Variants in AFAP1 observed in about 807,000 individuals in gnomAD.
The protein encoded by AFAP1 is actin filament-associated protein 1.
A neutral mutation model predicts 93.9 loss-of-function variants in AFAP1; 75 were observed. The observed-to-expected ratio is 0.80, with a 90% CI of 0.66 to 0.97. The LOEUF is 0.97. Among genes scored for constraint, AFAP1 ranks in the 50% least tolerant of loss-of-function variants. The pLI is 0.00. For synonymous variants in AFAP1, 517 were observed against 430.7 expected, an observed-to-expected ratio of 1.20 and a Z score of -2.48; for missense variants, 1,201 against 1,050.8, an observed-to-expected ratio of 1.14 and a Z score of -1.98.
In AFAP1 at chr4:7,763,724, G is replaced by T; in HGVS notation, c.*41C>A. On this transcript the variant is annotated 3_prime_UTR_variant, in exon 18 of 18. Coordinates refer to ENST00000420658, the MANE Select transcript of AFAP1 (RefSeq NM_001134647.2). ...TCACACAGATGAGGATACAGGCAAG[G>T]GGGTGTGCAGTCTCTGAGGCTGGAG... 6.4e-7 allele frequency: 1 copy of T among 1,551,292 alleles called. No individual in the cohort carries two copies.
At chr4:7,825,713 T>C (rs1410634423) in intron 6 of AFAP1, among the ~76,000 whole-genome samples, 2 of 151,390 alleles carry the variant, frequency 1.3e-5, no homozygotes, top group East Asian at 3.9e-4. Context: ...TAAAAAAAAG[T>C]AGAAGCAAAA....
chr4:7,904,557 C>T (rs986786272), intron 1 of AFAP1, among the ~76,000 whole-genome samples: 3 of 152,176 alleles, frequency 2.0e-5, no homozygotes, highest in South Asian at 4.1e-4. Context: ...CCTGTAAGAT[C>T]AGTACCATAT....
At chr4:7,800,144 C>T (rs1403189078) in intron 10 of AFAP1, among the ~76,000 whole-genome samples, 1 of 152,148 alleles carries the variant, frequency 6.6e-6, no homozygotes, top group Admixed American at 6.6e-5. Flanking sequence ...TATTTAATTT[C>T]CCTGCAACCA....
chr4:7,933,630 G>T (rs754364627), intron 1 of AFAP1, among the ~76,000 whole-genome samples: 2 of 152,180 alleles, frequency 1.3e-5, no homozygotes, highest in Non-Finnish European at 2.9e-5. Context: ...AGAGAAATGC[G>T]CCCAGGGGAA....
intron 1 of AFAP1, among the ~76,000 whole-genome samples, chr4:7,908,792 T>G (rs1490396752): frequency 6.6e-6 from 1 of 152,218 alleles, no homozygotes; most frequent in African/African-American, 2.4e-5. Context: ...TGATGCATAG[T>G]TAACGAAGTC....
chr4:7,773,671 G>A (rs55680331), intron 15 of AFAP1: 4,458 of 152,552 alleles, frequency 0.029, 87 homozygotes, highest in Non-Finnish European at 0.041. Context: ...CTGGGAACAC[G>A]GGAGAAATGC....
At chr4:7,770,687 G>A (rs1398357870) in intron 16 of AFAP1, among the ~76,000 whole-genome samples, 1 of 152,292 alleles carries the variant, frequency 6.6e-6, no homozygotes, top group Non-Finnish European at 1.5e-5. Flanking sequence ...GGTGTCTGGA[G>A]GTCAGGAAGG....
chr4:7,930,249 C>T (rs561423743), intron 1 of AFAP1, among the ~76,000 whole-genome samples: 9 of 152,314 alleles, frequency 5.9e-5, no homozygotes, highest in African/African-American at 1.9e-4. Context: ...GGCTCCCATG[C>T]CCCTGGGAGT....
intron 3 of AFAP1, among the ~76,000 whole-genome samples, chr4:7,860,321 T>G (rs541376735): frequency 6.0e-4 from 92 of 152,264 alleles, no homozygotes; most frequent in Non-Finnish European, 1.1e-3. Flanking sequence ...ATGTGCATTA[T>G]GTACTTACTG....
Position 7,781,437 on chromosome 4 carries a change from G to A in AFAP1, c.1721C>T (p.Ser574Phe), listed in dbSNP as rs758899027. The part of the protein sequence containing the change: ...LSSNHYKYPA[S>F]AQSVTNTSSV... ...AGAGGTATTAGTGACAGACTGAGCG[G>A]AGGCAGGGTATTTGTAATGGTTAGA... Residue 574 changes from serine to phenylalanine, a missense_variant, in exon 13 of 18, where the codon TCC becomes TTC. Coordinates refer to ENST00000420658, the MANE Select transcript of AFAP1 (RefSeq NM_001134647.2). 1.2e-5 allele frequency: 19 copies of A among 1,552,132 alleles called. No homozygotes were observed. In the African/African-American group the frequency reaches 1.8e-4, roughly 15 times the overall value.
At chr4:7,872,579 G>A (rs1717142156) in intron 1 of AFAP1, among the ~76,000 whole-genome samples, 1 of 152,218 alleles carries the variant, frequency 6.6e-6, no homozygotes, top group South Asian at 2.1e-4. Flanking sequence ...CGAGGCTGGT[G>A]TAAATACAAG....
At chr4:7,897,559 C>T (rs1302474730) in intron 1 of AFAP1, among the ~76,000 whole-genome samples, 1 of 152,000 alleles carries the variant, frequency 6.6e-6, no homozygotes, top group Non-Finnish European at 1.5e-5. Context: ...GAGTCTCACT[C>T]TGTCACCCAG....
chr4:7,836,923 T>A (rs1232942123), intron 6 of AFAP1, among the ~76,000 whole-genome samples: 1 of 151,652 alleles, frequency 6.6e-6, no homozygotes, highest in Non-Finnish European at 1.5e-5. Flanking sequence ...AAGATTTCAA[T>A]AATTTTTCCC....
At chr4:7,921,290 T>C (rs1720430273) in intron 1 of AFAP1, among the ~76,000 whole-genome samples, 1 of 149,500 alleles carries the variant, frequency 6.7e-6, no homozygotes, top group South Asian at 2.1e-4. Context: ...TTCTAGTGAT[T>C]CTCCTGCCTC....
intron 1 of AFAP1, among the ~76,000 whole-genome samples, chr4:7,909,082 G>GTATA (rs1311730352): frequency 2.0e-5 from 3 of 152,210 alleles, no homozygotes; most frequent in African/African-American, 7.2e-5. Context: ...AGGGGTAAGG[G>GTATA]TATACTACCT....
chr4:7,894,231 A>C (rs1718638639), intron 1 of AFAP1, among the ~76,000 whole-genome samples: 1 of 152,184 alleles, frequency 6.6e-6, no homozygotes, highest in South Asian at 2.1e-4. Context: ...ATCGGAACAC[A>C]GACACGTCCA....
chr4:7,810,927 C>T (rs1004568990), intron 8 of AFAP1, among the ~76,000 whole-genome samples: 1 of 152,240 alleles, frequency 6.6e-6, no homozygotes, highest in East Asian at 1.9e-4. Context: ...CTGCCGAGGG[C>T]TCTGTCCGTG....
chr4:7,873,147 G>C (rs1428980480), intron 1 of AFAP1, among the ~76,000 whole-genome samples: 1 of 145,686 alleles, frequency 6.9e-6, no homozygotes, highest in African/African-American at 2.5e-5. Context: ...GGAGGCTGGG[G>C]CACAAGAATC....
At chr4:7,770,769 C>A (rs572403356) in intron 16 of AFAP1, among the ~76,000 whole-genome samples, 1 of 152,108 alleles carries the variant, frequency 6.6e-6, no homozygotes, top group Non-Finnish European at 1.5e-5. Flanking sequence ...AGGACGGGGG[C>A]GGGACAGCTC....
Sources: gnomAD v4.1 joint callset for allele counts (sites outside exome capture counted in the v4.1 genomes callset) on GRCh38, gnomAD v4.1.1 for gene constraint, MANE v1.5 for transcripts, NCBI Gene and HGNC (gene_info 2026-07-23, HGNC 2026-07-21) for gene names.